Variants in CSMD3 observed in about 807,000 individuals in gnomAD.
CSMD3 encodes CUB and sushi domain-containing protein 3.
CSMD3 carries 177 observed loss-of-function variants against 435.2 expected under a neutral mutation model. The ratio of observed to expected loss-of-function variants is 0.41; its 90% CI spans 0.36 to 0.46. CSMD3 has a LOEUF of 0.46. Ranked by LOEUF, CSMD3 falls within the 20% of genes least tolerant of loss-of-function variation. The pLI is 0.34. For synonymous variants in CSMD3, 1,656 were observed against 1,520.5 expected, an observed-to-expected ratio of 1.09 and a Z score of -2.07; for missense variants, 4,265 against 4,504.6, an observed-to-expected ratio of 0.95 and a Z score of 1.52.
At chr8:112,259,443 G>T (rs1459133235) in intron 61 of CSMD3, among the ~76,000 whole-genome samples, 1 of 152,070 alleles carries the variant, frequency 6.6e-6, no homozygotes, top group East Asian at 1.9e-4. Context: ...CCTGTCAGGG[G>T]GTGAGGGTCT....
At chr8:112,539,700 C>T (rs1306283485) in intron 27 of CSMD3, among the ~76,000 whole-genome samples, 14 of 151,912 alleles carry the variant, frequency 9.2e-5, no homozygotes, top group African/African-American at 2.7e-4. Flanking sequence ...GATATCCATA[C>T]GTAGAAGAAT....
At position 113,211,019 on chromosome 8, in the gene CSMD3, C is replaced by A. The variant is rs2092828466; in HGVS notation, c.515-37103G>T. Among the ~76,000 whole-genome samples, 3 of 152,260 alleles carry A rather than the reference C, an allele frequency of 2.0e-5. No individual in the cohort carries two copies. In the South Asian group the frequency reaches 6.2e-4, roughly 32 times the overall value. Reference sequence around the variant, plus strand: ...TTTGTTCCACCACCTTCCAGTCTAGCTATCATAATGCTCAGATACCCTGAT... The same window carrying A: ...TTTGTTCCACCACCTTCCAGTCTAGATATCATAATGCTCAGATACCCTGAT... On this transcript the variant is annotated intron_variant, in intron 3 of 70. Coordinates refer to ENST00000297405, the MANE Select transcript of CSMD3 (RefSeq NM_198123.2).
chr8:112,733,120 A>T (rs985329274), intron 13 of CSMD3, among the ~76,000 whole-genome samples: 3 of 152,238 alleles, frequency 2.0e-5, no homozygotes, highest in Admixed American at 6.6e-5. Context: ...CCCTATTATG[A>T]AATATTTGGA....
intron 3 of CSMD3, among the ~76,000 whole-genome samples, chr8:113,274,034 C>T (rs778524229): frequency 2.0e-5 from 3 of 151,722 alleles, no homozygotes; most frequent in Admixed American, 6.6e-5. Context: ...AATTTGATAG[C>T]GGTCTTTATT....
intron 3 of CSMD3, among the ~76,000 whole-genome samples, chr8:113,204,940 C>T (rs1372289147): frequency 6.6e-6 from 1 of 151,706 alleles, no homozygotes; most frequent in Non-Finnish European, 1.5e-5. Context: ...TCATGTCTTA[C>T]ATGAATGGCA....
At chr8:112,276,882 C>T (rs915278942) in intron 59 of CSMD3, among the ~76,000 whole-genome samples, 4 of 152,114 alleles carry the variant, frequency 2.6e-5, no homozygotes, top group Admixed American at 6.5e-5. Flanking sequence ...CTGAGCCATA[C>T]CTTGGTCCCT....
At chr8:112,370,766 T>C (rs1386966066) in intron 38 of CSMD3, among the ~76,000 whole-genome samples, 2 of 152,204 alleles carry the variant, frequency 1.3e-5, no homozygotes, top group African/African-American at 4.8e-5. Flanking sequence ...TAAAATGTTA[T>C]ATAGATTACT....
chr8:112,376,249 T>G (rs1828930548), intron 38 of CSMD3, among the ~76,000 whole-genome samples: 1 of 152,198 alleles, frequency 6.6e-6, no homozygotes, highest in Non-Finnish European at 1.5e-5. Flanking sequence ...AGAAAAATAC[T>G]GTGACATGTC....
At chr8:112,710,799 G>A (rs926466255) in intron 13 of CSMD3, among the ~76,000 whole-genome samples, 4 of 150,646 alleles carry the variant, frequency 2.7e-5, no homozygotes, top group African/African-American at 9.8e-5. Context: ...TACTAGATAA[G>A]CATAAGTTCC....
intron 1 of CSMD3, among the ~76,000 whole-genome samples, chr8:113,334,869 T>A (rs534945738): frequency 6.6e-6 from 1 of 152,080 alleles, no homozygotes; most frequent in Non-Finnish European, 1.5e-5. Context: ...ATAGTGTGCC[T>A]TTCATTATGT....
In CSMD3 at chr8:112,313,991, A is replaced by T. The variant is rs2130831510; in HGVS notation, c.7611T>A (p.Asn2537Lys). Residue 2537 changes from asparagine to lysine, a missense_variant, in exon 49 of 71, where the codon AAT becomes AAA. Coordinates refer to ENST00000297405, the MANE Select transcript of CSMD3 (RefSeq NM_198123.2). The part of the protein sequence containing the change: ...SLSGDYSSAF[N>K]ITSNGHEVFL... ...ATACTTCATGACCATTGCTTGTTAT[A>T]TTAAAAGCAGATGAATAATCCCCAC... 5 of 1,610,790 alleles carry T rather than the reference A, an allele frequency of 3.1e-6. No homozygotes were observed. Among genetic ancestry groups the T allele is most frequent in the Non-Finnish European group, 4.2e-6 (5 of 1,177,256 alleles).
intron 2 of CSMD3, among the ~76,000 whole-genome samples, chr8:113,305,177 G>A (rs181333254): frequency 0.013 from 1,945 of 149,562 alleles, 19 homozygotes; most frequent in Non-Finnish European, 0.022. Flanking sequence ...GGGAGGGATA[G>A]CATTGGGAGA....
At chr8:112,845,693 C>T (rs2080298445) in intron 11 of CSMD3, among the ~76,000 whole-genome samples, 1 of 151,876 alleles carries the variant, frequency 6.6e-6, no homozygotes, top group African/African-American at 2.4e-5. Context: ...TGGAAAGTAA[C>T]AGGCTTGGAG....
At chr8:113,285,550 C>T (rs1357545921) in intron 2 of CSMD3, among the ~76,000 whole-genome samples, 2 of 152,206 alleles carry the variant, frequency 1.3e-5, no homozygotes, top group African/African-American at 4.8e-5. Flanking sequence ...TGAGCCACCC[C>T]GCCCCGCCAG....
intron 21 of CSMD3, among the ~76,000 whole-genome samples, chr8:112,637,880 T>C (rs897143717): frequency 3.9e-5 from 6 of 152,032 alleles, no homozygotes; most frequent in Admixed American, 1.3e-4. Flanking sequence ...TCCACCCAAA[T>C]ACTAAAATAG....
intron 23 of CSMD3, among the ~76,000 whole-genome samples, chr8:112,583,198 A>C (rs1016716299): frequency 6.6e-5 from 10 of 152,074 alleles, no homozygotes; most frequent in Non-Finnish European, 1.3e-4. Flanking sequence ...AGTGTGAAAG[A>C]AACAAGGAAG....
At chr8:113,419,919 A>T (rs2094601812) in intron 1 of CSMD3, among the ~76,000 whole-genome samples, 1 of 152,156 alleles carries the variant, frequency 6.6e-6, no homozygotes, top group Non-Finnish European at 1.5e-5. Context: ...ATGGTTATTG[A>T]AGTAAAAATG....
At chr8:113,128,099 T>A (rs565679232) in intron 4 of CSMD3, among the ~76,000 whole-genome samples, 1 of 152,140 alleles carries the variant, frequency 6.6e-6, no homozygotes, top group Non-Finnish European at 1.5e-5. Context: ...TCATTTCAGA[T>A]CTTTGTTTCT....
intron 13 of CSMD3, among the ~76,000 whole-genome samples, chr8:112,793,282 G>A (rs1170237494): frequency 6.7e-6 from 1 of 149,084 alleles, no homozygotes; most frequent in Non-Finnish European, 1.5e-5. Context: ...AATATATACT[G>A]GTAGCAGAAG....
Sources: allele counts gnomAD v4.1 joint callset (sites outside exome capture counted in the v4.1 genomes callset), GRCh38; gene constraint gnomAD v4.1.1; transcripts MANE v1.5; gene names NCBI Gene and HGNC (gene_info 2026-07-23, HGNC 2026-07-21).